KIF18A: variants seen among roughly 807,000 people sequenced by gnomAD.
The protein encoded by KIF18A is kinesin-like protein KIF18A.
In KIF18A, 67 loss-of-function variants were observed where a neutral mutation model predicts 103.3. The observed-to-expected ratio is 0.65, with a 90% CI of 0.53 to 0.79. The LOEUF (loss-of-function observed/expected upper bound fraction) is 0.79, where lower values mean the gene tolerates loss of function less well. KIF18A is among the 30% of genes least tolerant of loss of function. KIF18A has a pLI of 0.00. For missense variants in KIF18A, 1,032 were observed against 1,062.5 expected (o/e 0.97, Z 0.40); for synonymous variants, 367 against 355.5 (o/e 1.03, Z -0.36).
intron 10 of KIF18A, 46 bp downstream of exon 10, chr11:28,076,961 C>A: frequency 5.3e-6 from 5 of 950,302 alleles, no homozygotes; most frequent in Non-Finnish European, 5.8e-6. Flanking sequence ...AAAAAGCCCC[C>A]ATGTTTTTAT....
At chr11:28,060,540 ATTAC>A (rs1490863444) in intron 12 of KIF18A, among the ~76,000 whole-genome samples, 1 of 151,998 alleles carries the variant, frequency 6.6e-6, no homozygotes, top group Non-Finnish European at 1.5e-5. Flanking sequence ...CATTTAAACA[ATTAC>A]TTATTTAGCA....
rs1038872053 is a variant in KIF18A, at chr11:28,079,163, C to G, written c.1263-1994G>C. On this transcript the variant is annotated intron_variant, in intron 9 of 16. Transcript: ENST00000263181. Reference sequence around the variant, plus strand: ...GAAAGAAAGGTTCAATTATTTAAAGCCATCAACTCCAGAAAAGTTTACTAA... The same window carrying G: ...GAAAGAAAGGTTCAATTATTTAAAGGCATCAACTCCAGAAAAGTTTACTAA... Among the ~76,000 whole-genome samples, 9 of 151,974 alleles carry G rather than the reference C, an allele frequency of 5.9e-5. 1 individual carries two copies. The highest frequency in any genetic ancestry group is 1.7e-4 in the African/African-American group (7 of 41,412).
At chr11:28,100,568 G>C (rs888700527) in intron 1 of KIF18A, among the ~76,000 whole-genome samples, 2 of 150,236 alleles carry the variant, frequency 1.3e-5, no homozygotes, top group African/African-American at 4.9e-5. Flanking sequence ...TGAAGGGGGG[G>C]GGTGGTGTCA....
intron 10 of KIF18A, among the ~76,000 whole-genome samples, chr11:28,069,870 C>T (rs570137158): frequency 6.6e-6 from 1 of 152,082 alleles, no homozygotes; most frequent in South Asian, 2.1e-4. Flanking sequence ...CCTATAAGGC[C>T]TCAAATTGGC....
chr11:28,080,770 AATT>A (rs1015044359), intron 9 of KIF18A, among the ~76,000 whole-genome samples: 2 of 152,150 alleles, frequency 1.3e-5, no homozygotes. Context: ...AAAAGCTGGA[AATT>A]ACTAAGCTTC....
Position 28,031,772 on chromosome 11 carries a change from C to A in KIF18A, c.2504+3615G>T, listed in dbSNP as rs79064369. On this transcript the variant is annotated intron_variant, in intron 15 of 16. Coordinates refer to ENST00000263181, the MANE Select transcript of KIF18A (RefSeq NM_031217.4). ...ACGACAGACCCACAGCTGGTACTAT[C>A]CTGAATGCAGAAAATCTGAAATTCT... Among the ~76,000 whole-genome samples, 551 of 151,810 alleles carry A rather than the reference C, an allele frequency of 3.6e-3. 20 individuals are homozygous for A. In the East Asian group the frequency reaches 0.1, roughly 28 times the overall value.
At chr11:28,033,959 CCCT>C (rs528980502) in intron 15 of KIF18A, among the ~76,000 whole-genome samples, 7 of 151,528 alleles carry the variant, frequency 4.6e-5, no homozygotes, top group African/African-American at 1.7e-4. Context: ...CCCATGCACC[CCCT>C]AATATATACA....
At chr11:28,061,434 T>C (rs1338836563) in intron 12 of KIF18A, among the ~76,000 whole-genome samples, 1 of 152,098 alleles carries the variant, frequency 6.6e-6, no homozygotes, top group African/African-American at 2.4e-5. Context: ...TTAAGGTAAA[T>C]GTTTATCTTA....
At chr11:28,048,523 G>C (rs1850668532) in intron 13 of KIF18A, among the ~76,000 whole-genome samples, 1 of 151,918 alleles carries the variant, frequency 6.6e-6, no homozygotes. Context: ...CACTGTTCTT[G>C]TTTTAAAAAA....
At chr11:28,039,798 T>C (rs1850536748) in intron 13 of KIF18A, among the ~76,000 whole-genome samples, 1 of 151,728 alleles carries the variant, frequency 6.6e-6, no homozygotes, top group African/African-American at 2.4e-5. Flanking sequence ...GGAGATGTGG[T>C]AGTTAATGTG....
chr11:28,039,174 G>C (rs1482475708), intron 13 of KIF18A, among the ~76,000 whole-genome samples: 4 of 151,536 alleles, frequency 2.6e-5, no homozygotes, highest in Admixed American at 6.6e-5. Flanking sequence ...ATATGATAAG[G>C]GTTCAAAGAA....
chr11:28,032,106 GA>G (rs34227456), intron 15 of KIF18A, among the ~76,000 whole-genome samples: 14 of 149,030 alleles, frequency 9.4e-5, no homozygotes, highest in Non-Finnish European at 1.6e-4. Flanking sequence ...GAAATAATTT[GA>G]AAAAAAAAGT....
intron 13 of KIF18A, among the ~76,000 whole-genome samples, chr11:28,049,394 T>C (rs2133512773): frequency 6.6e-6 from 1 of 152,144 alleles, no homozygotes; most frequent in South Asian, 2.1e-4. Flanking sequence ...TCTTTTGATG[T>C]GCCATATCAT....
chr11:28,070,735 A>G (rs1851001911), intron 10 of KIF18A, among the ~76,000 whole-genome samples: 1 of 152,210 alleles, frequency 6.6e-6, no homozygotes, highest in Admixed American at 6.5e-5. Context: ...CTAGGATGAG[A>G]ATTGTGACAG....
chr11:28,070,280 A>T (rs926843205), intron 10 of KIF18A, among the ~76,000 whole-genome samples: 2 of 152,162 alleles, frequency 1.3e-5, no homozygotes, highest in Non-Finnish European at 2.9e-5. Context: ...GGAGATAAAT[A>T]TCTCTTAATT....
intron 2 of KIF18A, among the ~76,000 whole-genome samples, chr11:28,095,912 A>G (rs942097703): frequency 6.6e-6 from 1 of 151,612 alleles, no homozygotes; most frequent in Non-Finnish European, 1.5e-5. Flanking sequence ...TCAGGAGGCT[A>G]AGATGGGAGG....
chr11:28,096,677 T>A (rs553396235), intron 2 of KIF18A, among the ~76,000 whole-genome samples: 112 of 152,298 alleles, frequency 7.4e-4, no homozygotes, highest in African/African-American at 2.6e-3. Context: ...CCATCCTTAC[T>A]TGATCAAGAG....
rs1038471008 is a variant in KIF18A, at chr11:28,062,395, G to A, written c.1712C>T (p.Ala571Val). 5.6e-6 allele frequency: 9 copies of A among 1,604,416 alleles called. No individual in the cohort carries two copies. In the East Asian group the frequency reaches 6.8e-5, roughly 12 times the overall value. Residue 571 changes from alanine (A) to valine (V), a missense_variant and splice_region_variant, in exon 12 of 17, where the codon GCA becomes GTA. Physicochemically the swap from Ala to Val is moderately conservative, Grantham distance 64 (BLOSUM62 0). Transcript: ENST00000263181. ...LQEQQHRQTE[A>V]VLNALLPTLR... ...AAAATAGGTAAATGTATGTACTCAC[G>A]CTTCAGTCTGCCTGTGTTGCTGTTC...
chr11:28,075,932 T>C (rs1315987410), intron 10 of KIF18A, among the ~76,000 whole-genome samples: 2 of 152,154 alleles, frequency 1.3e-5, no homozygotes, highest in African/African-American at 2.4e-5. Context: ...AATGGTAGTG[T>C]TCAAATGACT....
Sources: gnomAD v4.1 joint callset for allele counts (sites outside exome capture counted in the v4.1 genomes callset) on GRCh38, gnomAD v4.1.1 for gene constraint, MANE v1.5 for transcripts, NCBI Gene and HGNC (gene_info 2026-07-23, HGNC 2026-07-21) for gene names.